The following PCDH7 variants were observed in gnomAD, a reference collection of about 807,000 sequenced individuals.
The protein encoded by PCDH7 is protocadherin-7.
Under a neutral mutation model 58.9 loss-of-function variants are expected in PCDH7, and 17 were observed. The ratio of observed to expected loss-of-function variants is 0.29; its 90% CI spans 0.20 to 0.43. The LOEUF is 0.43. Ranked by LOEUF, PCDH7 falls within the 20% of genes least tolerant of loss-of-function variation. The pLI is 1.00. For missense variants in PCDH7, 1,274 were observed against 1,441.0 expected, an observed-to-expected ratio of 0.88 and a Z score of 1.88; for synonymous variants, 664 against 616.4, an observed-to-expected ratio of 1.08 and a Z score of -1.14.
chr4:30,947,352 C>A (rs1440870185), intron 2 of PCDH7, among the ~76,000 whole-genome samples: 1 of 152,150 alleles, frequency 6.6e-6, no homozygotes, highest in Non-Finnish European at 1.5e-5. Flanking sequence ...CAAACTGTCT[C>A]TCCATCTACT....
chr4:31,079,717 A>G (rs1011847692), intron 3 of PCDH7, among the ~76,000 whole-genome samples: 5 of 152,118 alleles, frequency 3.3e-5, no homozygotes, highest in African/African-American at 1.2e-4. Context: ...GAAAGCTCTC[A>G]TGCATGAGCA....
intron 3 of PCDH7, among the ~76,000 whole-genome samples, chr4:31,105,877 G>A (rs1322653690): frequency 1.3e-5 from 2 of 151,958 alleles, no homozygotes; most frequent in East Asian, 1.9e-4. Flanking sequence ...CATGGTGGCG[G>A]GCGCCTGTAG....
chr4:30,955,111 T>C (rs1747714060), intron 3 of PCDH7, among the ~76,000 whole-genome samples: 1 of 152,062 alleles, frequency 6.6e-6, no homozygotes, highest in Non-Finnish European at 1.5e-5. Flanking sequence ...AATTTTTAAA[T>C]TTCTATTTTT....
At chr4:30,991,837 TAA>T (rs765730445) in intron 3 of PCDH7, among the ~76,000 whole-genome samples, 52 of 152,286 alleles carry the variant, frequency 3.4e-4, no homozygotes, top group Middle Eastern at 6.8e-3. Flanking sequence ...TAAATAGATA[TAA>T]GACAGTATTT....
chr4:30,869,219 C>G (rs1270363877), intron 1 of PCDH7: 1 of 152,024 alleles, frequency 6.6e-6, no homozygotes, highest in African/African-American at 2.4e-5. Context: ...CAAGGAAAAC[C>G]TATCAAAAAT....
chr4:30,778,405 T>C (rs1436461026), intron 1 of PCDH7, among the ~76,000 whole-genome samples: 2 of 152,200 alleles, frequency 1.3e-5, no homozygotes, highest in Non-Finnish European at 2.9e-5. Context: ...TTTTCAATGC[T>C]TTTCATACAA....
intron 3 of PCDH7, among the ~76,000 whole-genome samples, chr4:31,070,879 G>A (rs1014814689): frequency 6.6e-6 from 1 of 152,066 alleles, no homozygotes; most frequent in Non-Finnish European, 1.5e-5. Context: ...ATAGGTATTT[G>A]TTAATGCAGT....
chr4:31,122,632 C>T (rs555159223), intron 3 of PCDH7, among the ~76,000 whole-genome samples: 1 of 151,628 alleles, frequency 6.6e-6, no homozygotes, highest in Admixed American at 6.6e-5. Context: ...TGCTGATATA[C>T]TTGTAAAGTC....
intron 3 of PCDH7, among the ~76,000 whole-genome samples, chr4:31,100,151 T>C (rs1008933404): frequency 1.3e-5 from 2 of 152,128 alleles, no homozygotes; most frequent in Non-Finnish European, 2.9e-5. Flanking sequence ...CCAATTTCTT[T>C]AGCTCAAGAA....
At chr4:31,126,267 C>T (rs529436214) in intron 3 of PCDH7, among the ~76,000 whole-genome samples, 8 of 151,764 alleles carry the variant, frequency 5.3e-5, no homozygotes, top group South Asian at 4.2e-4. Flanking sequence ...GAGATTCTCA[C>T]GCCTCAGCCT....
At chr4:30,818,414 C>A (rs144433370) in intron 1 of PCDH7, among the ~76,000 whole-genome samples, 2 of 152,076 alleles carry the variant, frequency 1.3e-5, no homozygotes, top group Non-Finnish European at 2.9e-5. Flanking sequence ...CAAAAGGAAG[C>A]CTTATGGTCA....
intron 3 of PCDH7, among the ~76,000 whole-genome samples, chr4:31,096,820 T>G (rs1194615730): frequency 6.6e-6 from 1 of 152,152 alleles, no homozygotes; most frequent in Non-Finnish European, 1.5e-5. Context: ...TATTGTGCTC[T>G]TGGACAGACA....
intron 3 of PCDH7, among the ~76,000 whole-genome samples, chr4:31,083,565 C>T (rs746175312): frequency 2.6e-5 from 4 of 152,052 alleles, no homozygotes; most frequent in East Asian, 1.9e-4. Context: ...TTTTTCTTTG[C>T]GTCTGAGCCA....
chr4:30,847,030 G>T (rs952258330), intron 1 of PCDH7, among the ~76,000 whole-genome samples: 11 of 151,980 alleles, frequency 7.2e-5, no homozygotes, highest in Non-Finnish European at 2.9e-5. Flanking sequence ...GGCTGAGGTG[G>T]GAGGAGCACT....
chr4:31,108,735 A>T (rs1715912838), intron 3 of PCDH7, among the ~76,000 whole-genome samples: 1 of 150,442 alleles, frequency 6.6e-6, no homozygotes, highest in East Asian at 1.9e-4. Flanking sequence ...GGATCAATTC[A>T]TTTTTTTTTT....
At chr4:31,038,969 A>G (rs575586083) in intron 3 of PCDH7, among the ~76,000 whole-genome samples, 2 of 152,312 alleles carry the variant, frequency 1.3e-5, no homozygotes, top group Admixed American at 6.5e-5. Flanking sequence ...CTTACCAGAT[A>G]GTGTTTTCAA....
chr4:30,812,015 AG>A (rs1437440689), intron 1 of PCDH7, among the ~76,000 whole-genome samples: 1 of 152,250 alleles, frequency 6.6e-6, no homozygotes, highest in Non-Finnish European at 1.5e-5. Context: ...AAGATTTATC[AG>A]GTCAGTGGAT....
chr4:30,983,760 T>C (rs1170709758), intron 3 of PCDH7, among the ~76,000 whole-genome samples: 1 of 152,244 alleles, frequency 6.6e-6, no homozygotes, highest in Non-Finnish European at 1.5e-5. Context: ...TCAGAAGTGC[T>C]AGTGGATATG....
intron 1 of PCDH7, among the ~76,000 whole-genome samples, chr4:30,859,036 T>G (rs1733852079): frequency 6.6e-6 from 1 of 152,206 alleles, no homozygotes; most frequent in African/African-American, 2.4e-5. Context: ...CTACAGCTTA[T>G]AGCTACAGTA....
Sources: gnomAD v4.1 joint callset for allele counts (sites outside exome capture counted in the v4.1 genomes callset) on GRCh38, gnomAD v4.1.1 for gene constraint, MANE v1.5 for transcripts, NCBI Gene and HGNC (gene_info 2026-07-23, HGNC 2026-07-21) for gene names.